OTUD7B: variants seen among roughly 807,000 people sequenced by gnomAD.
OTUD7B encodes OTU domain-containing protein 7B.
A neutral mutation model predicts 82.2 loss-of-function variants in OTUD7B; 34 were observed. That is an observed-to-expected ratio of 0.41 (90% CI 0.31 to 0.55). The LOEUF is 0.55. Among genes scored for constraint, OTUD7B ranks in the 20% least tolerant of loss-of-function variants. The pLI is 0.20. For synonymous variants in OTUD7B, 398 were observed against 402.7 expected (o/e 0.99, Z 0.14); for missense variants, 944 against 1,062.1 (o/e 0.89, Z 1.55).
Position 149,942,526 on chromosome 1 carries a change from A to G in OTUD7B, c.*1331T>C, listed in dbSNP as rs1418014983. 6.6e-6 allele frequency: 1 copy of G among 152,536 alleles called. No individual in the cohort carries two copies. Among genetic ancestry groups the G allele is most frequent in the Non-Finnish European group, 1.5e-5 (1 of 68,052 alleles). The allele number at this position is 152,536 out of a possible 1,614,324, so 9.4% of individuals were successfully genotyped here. On this transcript the variant is annotated 3_prime_UTR_variant, in exon 12 of 12. Coordinates refer to ENST00000581312, the MANE Select transcript of OTUD7B (RefSeq NM_020205.4). Reference sequence around the variant, plus strand: ...AAAGGGAGAAACCTAAAGACAGATCAGCTCATTGGGAGTCATCTGTGCTCT... The same window carrying G: ...AAAGGGAGAAACCTAAAGACAGATCGGCTCATTGGGAGTCATCTGTGCTCT...
In OTUD7B at chr1:149,950,202, G is replaced by T. The variant is rs377556262; in HGVS notation, c.865C>A (p.Pro289Thr). The change falls in exon 8 of 12, where the codon CCT (proline) becomes ACT (threonine). Residue 289 changes from proline (P) to threonine (T), a missense_variant. Transcript: ENST00000581312. Reference protein sequence around the residue: ...NCGGVESSEEPVYESLEEFHV... With the variant: ...NCGGVESSEETVYESLEEFHV... ...AACTCTTCAAGGCTCTCATATACAG[G>T]CTCCTCAGAACTCTCCACCCTGGAA... The T allele has an allele frequency of 1.9e-6, 3 of 1,614,034 alleles. No individual in the cohort carries two copies. The highest frequency in any genetic ancestry group is 2.2e-5 in the East Asian group (1 of 44,864).
At chr1:149,992,373 C>T (rs1571710611) in intron 1 of OTUD7B, among the ~76,000 whole-genome samples, 1 of 151,282 alleles carries the variant, frequency 6.6e-6, no homozygotes, top group East Asian at 1.9e-4. Flanking sequence ...TGTGTGACAT[C>T]AGGATAATTT....
the OTUD7B span, among the ~76,000 whole-genome samples, chr1:150,049,831 C>T: frequency 2.6e-5 from 4 of 151,994 alleles, no homozygotes; most frequent in Admixed American, 6.6e-5. Context: ...GCCTTGGCTT[C>T]CCAAAGTGCT....
the OTUD7B span, among the ~76,000 whole-genome samples, chr1:150,046,131 C>T: frequency 6.6e-6 from 1 of 152,108 alleles, no homozygotes; most frequent in Non-Finnish European, 1.5e-5. Flanking sequence ...TACAGGATGG[C>T]TTAGATAAGG....
chr1:150,043,641 A>ACTTTT, the OTUD7B span, among the ~76,000 whole-genome samples: 1 of 152,178 alleles, frequency 6.6e-6, no homozygotes, highest in Admixed American at 6.5e-5. Flanking sequence ...TTTTACATCA[A>ACTTTT]ACTAGTTGAT....
chr1:150,013,139 G>C (rs1005507146), upstream of OTUD7B, among the ~76,000 whole-genome samples: 1 of 152,176 alleles, frequency 6.6e-6, no homozygotes, highest in Non-Finnish European at 1.5e-5. Flanking sequence ...AAAGGTAAAA[G>C]CACCAGACAA....
intron 10 of OTUD7B, 98 bp from the exon 11 acceptor site, chr1:149,947,433 G>T: frequency 1.5e-6 from 1 of 669,698 alleles, no homozygotes; most frequent in Non-Finnish European, 2.7e-6. Context: ...CATGGCTTAG[G>T]ACTCAAATAG....
the OTUD7B span, among the ~76,000 whole-genome samples, chr1:150,053,644 C>T: frequency 6.6e-6 from 1 of 152,186 alleles, no homozygotes; most frequent in African/African-American, 2.4e-5. Flanking sequence ...GATTCACCCA[C>T]CTCAGCCTCC....
the OTUD7B span, among the ~76,000 whole-genome samples, chr1:150,059,565 T>C: frequency 6.6e-6 from 1 of 151,786 alleles, no homozygotes; most frequent in Admixed American, 6.6e-5. Flanking sequence ...GACGGGGTTT[T>C]TCCATGTTGG....
the OTUD7B span, among the ~76,000 whole-genome samples, chr1:150,052,124 C>G: frequency 6.6e-6 from 1 of 152,150 alleles, no homozygotes; most frequent in African/African-American, 2.4e-5. Flanking sequence ...ACAAGGATGC[C>G]CTCTCTCACC....
the OTUD7B span, among the ~76,000 whole-genome samples, chr1:150,021,842 G>C: frequency 4.6e-5 from 7 of 152,336 alleles, no homozygotes; most frequent in South Asian, 1.2e-3. Flanking sequence ...GAGAAAAAAG[G>C]TGTGAATGTT....
intron 1 of OTUD7B, among the ~76,000 whole-genome samples, chr1:149,995,591 C>CAA (rs1462691519): frequency 1.6e-3 from 5 of 3,096 alleles, no homozygotes; most frequent in African/African-American, 2.5e-3. Flanking sequence ...AAAAACAAAA[C>CAA]AAAACAAAAA....
intron 1 of OTUD7B, among the ~76,000 whole-genome samples, chr1:150,007,738 G>T (rs1325106043): frequency 1.3e-5 from 2 of 152,108 alleles, no homozygotes; most frequent in Non-Finnish European, 2.9e-5. Context: ...ACTGAATTCA[G>T]GCATTCATGA....
chr1:149,992,666 T>C (rs1464926050), intron 1 of OTUD7B, among the ~76,000 whole-genome samples: 3 of 151,814 alleles, frequency 2.0e-5, no homozygotes, highest in African/African-American at 7.3e-5. Context: ...AAGACGGGGT[T>C]TGGCCATGTT....
chr1:149,985,333 G>A (rs1268364874), intron 1 of OTUD7B, among the ~76,000 whole-genome samples: 1 of 151,962 alleles, frequency 6.6e-6, no homozygotes, highest in Non-Finnish European at 1.5e-5. Context: ...ACTTGAACCT[G>A]GGAGGTGGAG....
chr1:150,049,403 T>C, the OTUD7B span, among the ~76,000 whole-genome samples: 41 of 152,256 alleles, frequency 2.7e-4, no homozygotes, highest in East Asian at 6.2e-3. Flanking sequence ...GATGTTGCTA[T>C]ATACTTTTAA....
intron 1 of OTUD7B, among the ~76,000 whole-genome samples, chr1:149,999,624 A>C (rs1652146542): frequency 6.6e-6 from 1 of 152,170 alleles, no homozygotes; most frequent in Non-Finnish European, 1.5e-5. Context: ...AGCTACTCAC[A>C]AGGCTGAGGT....
chr1:150,008,861 T>C (rs111326454), intron 1 of OTUD7B, among the ~76,000 whole-genome samples: 2 of 152,230 alleles, frequency 1.3e-5, no homozygotes, highest in Non-Finnish European at 2.9e-5. Flanking sequence ...AATATTTGCA[T>C]TGATTTGCAA....
At chr1:150,016,361 G>A in the OTUD7B span, among the ~76,000 whole-genome samples, 2 of 151,790 alleles carry the variant, frequency 1.3e-5, no homozygotes, top group Non-Finnish European at 2.9e-5. Flanking sequence ...TTGACCACCA[G>A]TGGTGTGCTA....
Sources: allele counts gnomAD v4.1 joint callset (sites outside exome capture counted in the v4.1 genomes callset), GRCh38; gene constraint gnomAD v4.1.1; transcripts MANE v1.5; gene names NCBI Gene and HGNC (gene_info 2026-07-23, HGNC 2026-07-21).